The following PEAK1 variants were observed in gnomAD, a reference collection of about 807,000 sequenced individuals.
PEAK1 encodes pseudopodium enriched atypical kinase 1, also known as inactive tyrosine-protein kinase PEAK1.
Under a neutral mutation model 124.7 loss-of-function variants are expected in PEAK1, and 54 were observed. The observed-to-expected ratio is 0.43, with a 90% CI of 0.35 to 0.54. PEAK1 has a LOEUF of 0.54. PEAK1 is among the 20% of genes least tolerant of loss of function. PEAK1 has a pLI of 0.01. For synonymous variants in PEAK1, 719 were observed against 760.0 expected, an observed-to-expected ratio of 0.95 and a Z score of 0.89; for missense variants, 2,046 against 2,134.5, an observed-to-expected ratio of 0.96 and a Z score of 0.82.
chr15:77,115,051 C>G lies in PEAK1; in HGVS notation c.4346G>C (p.Gly1449Ala). 6.2e-7 allele frequency: 1 copy of G among 1,614,136 alleles called. No homozygotes were observed. The highest frequency in any genetic ancestry group is 8.5e-7 in the Non-Finnish European group (1 of 1,180,028). ...EAASSQKENQ[G>A]VMSKKQRSHV... ...GCTCCTCTGCTTCTTGCTCATGACT[C>G]CCTGATTCTCTTTCTGGGATGATGC... The change falls in exon 10 of 10, where the codon GGA (glycine) becomes GCA (alanine). Residue 1449 changes from glycine (G) to alanine (A), a missense_variant. Physicochemically the swap from Gly to Ala is moderately conservative, Grantham distance 60 (BLOSUM62 0). Coordinates refer to ENST00000682557, the MANE Select transcript of PEAK1 (RefSeq NM_001385026.1).
intron 7 of PEAK1, among the ~76,000 whole-genome samples, chr15:77,167,899 C>A (rs1412735151): frequency 1.3e-5 from 2 of 152,158 alleles, no homozygotes; most frequent in African/African-American, 4.8e-5. Context: ...GCCCCCACCC[C>A]ACGACAGGCC....
In PEAK1 at chr15:77,180,681, C is replaced by A. The variant is rs181749242; in HGVS notation, c.1246G>T (p.Val416Phe). 4.0e-5 allele frequency: 64 copies of A among 1,614,172 alleles called. No individual in the cohort carries two copies. The Admixed American group carries it at 8.8e-4, about 22-fold the overall frequency. Reference protein sequence around the residue: ...SIKVPETHKAVLALRLEEKDG... With the variant: ...SIKVPETHKAFLALRLEEKDG... ...TTCTCTTCTAATCGGAGAGCAAGGA[C>A]TGCTTTGTGGGTCTCTGGAACTTTT... The change falls in exon 7 of 10, where the codon GTC becomes TTC. Residue 416 changes from valine (V) to phenylalanine (F), a missense_variant. Val to Phe is a conservative substitution (Grantham distance 50). Coordinates refer to ENST00000682557, the MANE Select transcript of PEAK1 (RefSeq NM_001385026.1).
At chr15:77,355,887 G>C (rs2067487877) in intron 2 of PEAK1, 3 of 985,282 alleles carry the variant, frequency 3.0e-6, no homozygotes, top group Non-Finnish European at 3.6e-6. Flanking sequence ...AAAATGGAGA[G>C]AACTCAGAAA....
At chr15:77,205,277 A>ATTT (rs1567112429) in intron 6 of PEAK1, among the ~76,000 whole-genome samples, 78 of 139,232 alleles carry the variant, frequency 5.6e-4, no homozygotes, top group East Asian at 3.4e-3. Context: ...CCTTTTTTTA[A>ATTT]AAAAAAAAAA....
chr15:77,358,429 C>A (rs1031108126), intron 2 of PEAK1, among the ~76,000 whole-genome samples: 4 of 152,144 alleles, frequency 2.6e-5, no homozygotes, highest in Admixed American at 2.0e-4. Flanking sequence ...AAACAAAAAA[C>A]CAATCTTACT....
At chr15:77,255,261 C>A in intron 5 of PEAK1, 1 of 653,136 alleles carries the variant, frequency 1.5e-6, no homozygotes, top group Non-Finnish European at 1.9e-6. Flanking sequence ...ATTATTTATT[C>A]CTGTGTAATA....
At chr15:77,207,043 G>A (rs1180749650) in intron 6 of PEAK1, among the ~76,000 whole-genome samples, 1 of 152,098 alleles carries the variant, frequency 6.6e-6, no homozygotes, top group Non-Finnish European at 1.5e-5. Context: ...AAATGGTGCT[G>A]GGAAAACTGG....
intron 2 of PEAK1, among the ~76,000 whole-genome samples, chr15:77,342,538 T>C (rs1208746693): frequency 2.0e-5 from 3 of 151,978 alleles, no homozygotes; most frequent in Non-Finnish European, 4.4e-5. Context: ...CCTGAGTAGT[T>C]GGGGCTACAG....
At chr15:77,367,260 C>T (rs1383330790) in intron 1 of PEAK1, among the ~76,000 whole-genome samples, 3 of 152,162 alleles carry the variant, frequency 2.0e-5, no homozygotes, top group Admixed American at 6.5e-5. Context: ...AAAGGGCATA[C>T]ATAGGAACTC....
intron 2 of PEAK1, among the ~76,000 whole-genome samples, chr15:77,303,662 T>C (rs1176027202): frequency 6.6e-6 from 1 of 152,194 alleles, no homozygotes; most frequent in Non-Finnish European, 1.5e-5. Context: ...ATATAAGTGT[T>C]TTACAAATAT....
At chr15:77,203,897 C>CA (rs986365384) in intron 6 of PEAK1, among the ~76,000 whole-genome samples, 7 of 152,064 alleles carry the variant, frequency 4.6e-5, no homozygotes, top group Admixed American at 1.3e-4. Context: ...TGATCCTTGA[C>CA]AGAAAGCACT....
chr15:77,288,334 A>G (rs570432675), intron 2 of PEAK1, among the ~76,000 whole-genome samples: 3 of 152,304 alleles, frequency 2.0e-5, no homozygotes, highest in South Asian at 2.1e-4. Context: ...CTTTGCCAGT[A>G]TATCTTTACC....
chr15:77,314,142 A>G (rs1220473293), intron 2 of PEAK1, among the ~76,000 whole-genome samples: 1 of 152,138 alleles, frequency 6.6e-6, no homozygotes, highest in African/African-American at 2.4e-5. Flanking sequence ...CCATCAATTA[A>G]TATGAGGGTT....
Position 77,419,188 on chromosome 15 carries a change from C to T in PEAK1, c.-666+818G>A, listed in dbSNP as rs962437857. On this transcript the variant is annotated intron_variant, in intron 1 of 9. Coordinates refer to ENST00000682557, the MANE Select transcript of PEAK1 (RefSeq NM_001385026.1). Reference sequence around the variant, plus strand: ...ACGAATCGCAAAAAGTAACATTTAACAGGCCAGAGGCAGGCGGGGGAGGAG... The same window carrying T: ...ACGAATCGCAAAAAGTAACATTTAATAGGCCAGAGGCAGGCGGGGGAGGAG... The T allele has an allele frequency of 2.1e-5, 21 of 985,220 alleles. No homozygotes were observed. The African/African-American group carries it at 3.3e-4, about 16-fold the overall frequency. The allele number at this position is 985,220 out of a possible 1,614,324, so 61.0% of individuals were successfully genotyped here.
intron 6 of PEAK1, among the ~76,000 whole-genome samples, chr15:77,208,196 G>A (rs2058752210): frequency 6.6e-6 from 1 of 152,100 alleles, no homozygotes. Context: ...AATCTTGAGG[G>A]GCAGTAACTA....
At chr15:77,335,653 CT>C in intron 2 of PEAK1, 1 of 665,706 alleles carries the variant, frequency 1.5e-6, no homozygotes, top group East Asian at 1.4e-4. Flanking sequence ...TAATTTTTTG[CT>C]GCTGTTGTAA....
At chr15:77,260,310 TAAAA>T (rs2061374526) in intron 5 of PEAK1, among the ~76,000 whole-genome samples, 1 of 152,124 alleles carries the variant, frequency 6.6e-6, no homozygotes, top group Admixed American at 6.6e-5. Flanking sequence ...TTTAAAGATA[TAAAA>T]CAAGATTAAG....
intron 6 of PEAK1, among the ~76,000 whole-genome samples, chr15:77,212,654 C>A (rs1042826740): frequency 3.3e-5 from 5 of 152,124 alleles, no homozygotes; most frequent in Admixed American, 2.0e-4. Context: ...TCAACATAGG[C>A]CAAAGGACAT....
intron 1 of PEAK1, among the ~76,000 whole-genome samples, chr15:77,411,927 C>T (rs947354962): frequency 6.6e-6 from 1 of 152,182 alleles, no homozygotes; most frequent in Non-Finnish European, 1.5e-5. Context: ...TACTTTATAT[C>T]TTTATCAGGT....
Sources: gnomAD v4.1 joint callset for allele counts (sites outside exome capture counted in the v4.1 genomes callset) on GRCh38, gnomAD v4.1.1 for gene constraint, MANE v1.5 for transcripts, NCBI Gene and HGNC (gene_info 2026-07-23, HGNC 2026-07-21) for gene names.